The following NTM variants were observed in gnomAD, a reference collection of about 807,000 sequenced individuals.
NTM encodes IgLON family member 2.
A neutral mutation model predicts 42.1 loss-of-function variants in NTM; 13 were observed. The observed-to-expected ratio is 0.31, with a 90% CI of 0.20 to 0.49. The LOEUF is 0.49. Among genes scored for constraint, NTM ranks in the 20% least tolerant of loss-of-function variants. The probability of loss-of-function intolerance (pLI) is 0.99; values close to 1 mark genes in which losing one functional copy is unlikely to be tolerated. For missense variants in NTM, 373 were observed against 452.8 expected, an observed-to-expected ratio of 0.82 and a Z score of 1.60; for synonymous variants, 187 against 179.2, an observed-to-expected ratio of 1.04 and a Z score of -0.35.
chr11:132,307,567 A>C (rs1412173918), intron 4 of NTM, 122 bp from the exon 5 acceptor site: 6 of 1,369,404 alleles, frequency 4.4e-6, no homozygotes, highest in Non-Finnish European at 6.0e-6. Context: ...GTTCCTCAGA[A>C]TCTGAACTTA....
intron 4 of NTM, among the ~76,000 whole-genome samples, chr11:132,260,841 C>T (rs2092804390): frequency 6.6e-6 from 1 of 152,122 alleles, no homozygotes; most frequent in African/African-American, 2.4e-5. Flanking sequence ...GCCCTGAACC[C>T]ATTAAGTCAT....
At chr11:131,845,516 A>G (rs2044786671) in intron 1 of NTM, among the ~76,000 whole-genome samples, 4 of 152,036 alleles carry the variant, frequency 2.6e-5, no homozygotes, top group Non-Finnish European at 4.4e-5. Flanking sequence ...CTAAACCAGA[A>G]TCTACATTTA....
At chr11:131,911,887 C>A (rs1457694015) in intron 2 of NTM, among the ~76,000 whole-genome samples, 1 of 152,144 alleles carries the variant, frequency 6.6e-6, no homozygotes, top group Non-Finnish European at 1.5e-5. Context: ...GGCTCAGGCA[C>A]TTGTTAAAGG....
At chr11:132,016,348 A>C (rs1234567732) in intron 2 of NTM, among the ~76,000 whole-genome samples, 1 of 151,826 alleles carries the variant, frequency 6.6e-6, no homozygotes, top group Non-Finnish European at 1.5e-5. Context: ...GTTAACCTCC[A>C]TTTCTAACCC....
At chr11:132,081,240 A>G (rs2136281307) in intron 2 of NTM, among the ~76,000 whole-genome samples, 1 of 152,344 alleles carries the variant, frequency 6.6e-6, no homozygotes, top group Admixed American at 6.5e-5. Context: ...GAAATTTGTC[A>G]TGTGGAAATC....
At chr11:132,066,467 C>T (rs1395780651) in intron 2 of NTM, among the ~76,000 whole-genome samples, 1 of 152,206 alleles carries the variant, frequency 6.6e-6, no homozygotes, top group Non-Finnish European at 1.5e-5. Flanking sequence ...GTTTCCCATG[C>T]TTGCTGTAAC....
At chr11:131,942,961 T>A (rs201862148) in intron 2 of NTM, among the ~76,000 whole-genome samples, 33 of 92,254 alleles carry the variant, frequency 3.6e-4, no homozygotes, top group South Asian at 9.1e-4. Context: ...AAAAAAAAAA[T>A]GCGTAGAGTT....
intron 2 of NTM, among the ~76,000 whole-genome samples, chr11:132,053,163 G>T (rs190797151): frequency 2.6e-4 from 39 of 152,300 alleles, no homozygotes; most frequent in African/African-American, 8.4e-4. Context: ...GCCTTATCAG[G>T]GGGTAGCTGT....
chr11:131,633,788 T>TCTCTCTCTCTCTCTCA (rs141539738), intron 1 of NTM, among the ~76,000 whole-genome samples: 4 of 55,084 alleles, frequency 7.3e-5, no homozygotes, highest in Admixed American at 2.3e-4. Context: ...TCTCTCTCTC[T>TCTCTCTCTCTCTCTCA]CACACACACA....
At chr11:132,218,032 C>A (rs927762931) in intron 4 of NTM, among the ~76,000 whole-genome samples, 1 of 152,122 alleles carries the variant, frequency 6.6e-6, no homozygotes, top group African/African-American at 2.4e-5. Flanking sequence ...AGTGACAGCT[C>A]TGTGAAAAAG....
At chr11:131,620,671 C>A (rs2062432379) in intron 1 of NTM, among the ~76,000 whole-genome samples, 1 of 152,206 alleles carries the variant, frequency 6.6e-6, no homozygotes, top group African/African-American at 2.4e-5. Flanking sequence ...GGGCTGCTCG[C>A]TGACTTCACT....
intron 1 of NTM, among the ~76,000 whole-genome samples, chr11:131,762,574 G>A (rs1187865810): frequency 1.3e-5 from 2 of 152,236 alleles, no homozygotes; most frequent in Admixed American, 6.5e-5. Context: ...AGCTCCCCAA[G>A]TCCAGCAGGT....
intron 2 of NTM, among the ~76,000 whole-genome samples, chr11:132,071,271 A>G (rs1289374941): frequency 2.7e-5 from 3 of 112,034 alleles, no homozygotes; most frequent in Admixed American, 1.7e-4. Context: ...CACACTGACC[A>G]TCACAGGTTA....
At chr11:131,715,585 C>A (rs2135347496) in intron 1 of NTM, among the ~76,000 whole-genome samples, 1 of 152,282 alleles carries the variant, frequency 6.6e-6, no homozygotes, top group Admixed American at 6.5e-5. Context: ...GTGAACGTAT[C>A]CATCAATCCA....
intron 1 of NTM, among the ~76,000 whole-genome samples, chr11:131,520,986 G>A (rs1026822580): frequency 1.3e-5 from 2 of 152,272 alleles, no homozygotes; most frequent in African/African-American, 2.4e-5. Context: ...AGGGAAACCA[G>A]TGTGTGCAGA....
intron 2 of NTM, among the ~76,000 whole-genome samples, chr11:132,141,527 T>C (rs1221553287): frequency 6.6e-6 from 1 of 152,216 alleles, no homozygotes; most frequent in Non-Finnish European, 1.5e-5. Flanking sequence ...ATTACAGGTA[T>C]GGCAGTGTTC....
intron 2 of NTM, among the ~76,000 whole-genome samples, chr11:131,935,851 A>T (rs1406641469): frequency 6.6e-6 from 1 of 152,246 alleles, no homozygotes; most frequent in Non-Finnish European, 1.5e-5. Flanking sequence ...GCAGAGGAAG[A>T]CAGTGGCAAA....
chr11:132,249,084 T>G (rs1230144010), intron 4 of NTM, among the ~76,000 whole-genome samples: 1 of 152,230 alleles, frequency 6.6e-6, no homozygotes, highest in Non-Finnish European at 1.5e-5. Flanking sequence ...GTTCCATGAC[T>G]GCACCTGTAC....
chr11:132,122,499 G>GT (rs927868939), intron 2 of NTM, among the ~76,000 whole-genome samples: 1 of 152,202 alleles, frequency 6.6e-6, no homozygotes, highest in African/African-American at 2.4e-5. Context: ...GAGTTCGTGA[G>GT]TTTTTTAAGG....
Sources: allele counts gnomAD v4.1 joint callset (sites outside exome capture counted in the v4.1 genomes callset), GRCh38; gene constraint gnomAD v4.1.1; transcripts MANE v1.5; gene names NCBI Gene and HGNC (gene_info 2026-07-23, HGNC 2026-07-21).